Variants in MNAT1 observed in about 807,000 individuals in gnomAD.
MNAT1 encodes the protein CDK-activating kinase assembly factor MAT1.
In MNAT1, 43 loss-of-function variants were observed where a neutral mutation model predicts 42.0. The ratio of observed to expected loss-of-function variants is 1.02; its 90% confidence interval spans 0.80 to 1.32. The LOEUF (loss-of-function observed/expected upper bound fraction) is 1.32, where lower values mean the gene tolerates loss of function less well. Ranked by LOEUF, MNAT1 falls within the 40% of genes most tolerant of loss-of-function variation. The probability of loss-of-function intolerance (pLI) is 0.00; values close to 1 mark genes in which losing one functional copy is unlikely to be tolerated. For missense variants in MNAT1, 306 were observed against 350.4 expected, an observed-to-expected ratio of 0.87 and a Z score of 1.01; for synonymous variants, 118 against 120.0, an observed-to-expected ratio of 0.98 and a Z score of 0.11.
chr14:60,940,460 C>T (rs142231994), intron 7 of MNAT1, among the ~76,000 whole-genome samples: 1 of 152,328 alleles, frequency 6.6e-6, no homozygotes, highest in East Asian at 1.9e-4. Context: ...CTCTGTTGCC[C>T]AGGCTAGAGT....
intron 6 of MNAT1, among the ~76,000 whole-genome samples, chr14:60,850,238 A>G (rs1430796063): frequency 6.6e-6 from 1 of 152,214 alleles, no homozygotes; most frequent in Non-Finnish European, 1.5e-5. Context: ...TTAGATCCAC[A>G]AATGTAATTA....
chr14:60,846,911 G>A (rs1047779741), intron 6 of MNAT1, among the ~76,000 whole-genome samples: 1 of 152,144 alleles, frequency 6.6e-6, no homozygotes, highest in Non-Finnish European at 1.5e-5. Flanking sequence ...TGTCTAGTTT[G>A]TCTATCAATT....
chr14:60,929,164 AAAAAAAAT>A (rs1566563024), intron 7 of MNAT1, among the ~76,000 whole-genome samples: 5 of 119,356 alleles, frequency 4.2e-5, no homozygotes, highest in African/African-American at 1.5e-4. Context: ...AAAAAAAAAA[AAAAAAAAT>A]ATATATATAT....
At chr14:60,744,175 A>G (rs939267073) in intron 1 of MNAT1, among the ~76,000 whole-genome samples, 2 of 150,526 alleles carry the variant, frequency 1.3e-5, no homozygotes, top group Admixed American at 6.6e-5. Flanking sequence ...TCTGTTGCCC[A>G]TGCTGGAGTG....
At chr14:60,776,941 G>T (rs541502878) in intron 1 of MNAT1, among the ~76,000 whole-genome samples, 11 of 31,412 alleles carry the variant, frequency 3.5e-4, no homozygotes, top group Non-Finnish European at 1.4e-3. Context: ...TTGACTTCCC[G>T]GGCTCAGGTG....
At chr14:60,869,182 G>A (rs1443751687) in intron 6 of MNAT1, among the ~76,000 whole-genome samples, 2 of 149,198 alleles carry the variant, frequency 1.3e-5, no homozygotes, top group East Asian at 2.0e-4. Flanking sequence ...GGCACACACT[G>A]CCATGCCCAG....
intron 7 of MNAT1, among the ~76,000 whole-genome samples, chr14:60,901,290 C>T (rs373961956): frequency 4.5e-4 from 68 of 152,156 alleles, no homozygotes; most frequent in African/African-American, 1.6e-3. Context: ...CTTACTGCTT[C>T]GGAAAAAAGA....
rs4902019 is a variant in MNAT1, at chr14:60,913,465, C to T, written c.809+33630C>T. Among the ~76,000 whole-genome samples, 652 of 152,194 alleles carry T rather than the reference C, an allele frequency of 4.3e-3. 4 individuals carry two copies. The highest frequency in any genetic ancestry group is 5.4e-3 in the Non-Finnish European group (366 of 68,026). ...TTCCCCATCTTTGTGGTTTTATCTA[C>T]CTTGGGTCTTTGATGATGGTGGCGT... On this transcript the variant is annotated intron_variant, in intron 7 of 7. Coordinates refer to ENST00000261245, the MANE Select transcript of MNAT1 (RefSeq NM_002431.4).
intron 6 of MNAT1, among the ~76,000 whole-genome samples, chr14:60,869,997 A>T (rs1022940488): frequency 1.3e-5 from 2 of 152,242 alleles, no homozygotes; most frequent in East Asian, 3.9e-4. Flanking sequence ...ATTATAAACA[A>T]TTTTTTGTAG....
intron 1 of MNAT1, among the ~76,000 whole-genome samples, chr14:60,793,642 G>T (rs1300791579): frequency 6.6e-6 from 1 of 151,420 alleles, no homozygotes; most frequent in Non-Finnish European, 1.5e-5. Context: ...CAAAGCACTG[G>T]GATTATAGGC....
At chr14:60,931,830 A>G (rs931598121) in intron 7 of MNAT1, among the ~76,000 whole-genome samples, 2 of 152,050 alleles carry the variant, frequency 1.3e-5, no homozygotes, top group Non-Finnish European at 2.9e-5. Flanking sequence ...AAGGTAGAAG[A>G]TTTTAAAAAC....
chr14:60,819,835 G>A (rs553349398), intron 6 of MNAT1, among the ~76,000 whole-genome samples: 1 of 152,062 alleles, frequency 6.6e-6, no homozygotes, highest in African/African-American at 2.4e-5. Context: ...TCTGTGGAAC[G>A]GTGATGATAA....
intron 3 of MNAT1, among the ~76,000 whole-genome samples, chr14:60,806,288 C>T (rs932317844): frequency 6.6e-6 from 1 of 152,100 alleles, no homozygotes; most frequent in African/African-American, 2.4e-5. Flanking sequence ...TAAGGAGGAG[C>T]TGGTCATTAA....
chr14:60,796,258 G>C lies in MNAT1; in HGVS notation c.131G>C (p.Gly44Ala). The C allele has an allele frequency of 4.3e-6, 7 of 1,612,432 alleles. No individual in the cohort carries two copies. Among genetic ancestry groups the C allele is most frequent in the Non-Finnish European group, 5.9e-6 (7 of 1,179,236 alleles). Residue 44 changes from glycine to alanine, a missense_variant, in exon 2 of 8, where the codon GGA (glycine) becomes GCA (alanine). Gly to Ala is a moderately conservative substitution (Grantham distance 60). Around this residue, in one of 3 missense-constraint regions of MNAT1, gnomAD observed 72 missense variants for 111.0 expected, o/e 0.65. Transcript: ENST00000261245. The part of the protein sequence containing the change: ...CVDLLFVRGA[G>A]NCPECGTPLR... ...GATTTACTGTTTGTGAGAGGAGCTG[G>C]AAACTGCCCTGAGTGTGGTACTCCA...
At chr14:60,765,119 C>T (rs577402194) in intron 1 of MNAT1, among the ~76,000 whole-genome samples, 8 of 152,164 alleles carry the variant, frequency 5.3e-5, no homozygotes, top group Non-Finnish European at 8.8e-5. Context: ...GGGCTTGCGG[C>T]GCATGCCTGT....
chr14:60,907,482 A>G (rs558272098), intron 7 of MNAT1, among the ~76,000 whole-genome samples: 5 of 148,674 alleles, frequency 3.4e-5, no homozygotes, highest in African/African-American at 1.2e-4. Flanking sequence ...TTAGGTTCTG[A>G]GAAGTTTTAT....
At chr14:60,935,073 C>T (rs941278104) in intron 7 of MNAT1, among the ~76,000 whole-genome samples, 2 of 152,146 alleles carry the variant, frequency 1.3e-5, no homozygotes. Context: ...TTTAGAGAGG[C>T]TTTAAATGAA....
intron 7 of MNAT1, among the ~76,000 whole-genome samples, chr14:60,928,100 A>G (rs980462251): frequency 1.3e-5 from 2 of 152,122 alleles, no homozygotes; most frequent in Non-Finnish European, 2.9e-5. Flanking sequence ...CCTATTCTAG[A>G]CATGTGATAC....
intron 7 of MNAT1, among the ~76,000 whole-genome samples, chr14:60,940,095 C>G (rs2036108681): frequency 6.6e-6 from 1 of 152,158 alleles, no homozygotes; most frequent in Non-Finnish European, 1.5e-5. Context: ...GTAGATCTTC[C>G]TCCATCCCTT....
Sources: allele counts gnomAD v4.1 joint callset (sites outside exome capture counted in the v4.1 genomes callset), GRCh38; gene constraint gnomAD v4.1.1; regional missense constraint gnomAD v4.1.1; transcripts MANE v1.5; gene names NCBI Gene and HGNC (gene_info 2026-07-23, HGNC 2026-07-21).